Variants in PCDHGB4 observed in about 807,000 individuals in gnomAD.
The protein encoded by PCDHGB4 is protocadherin gamma-B4.
PCDHGB4 carries 38 observed loss-of-function variants against 60.5 expected under a neutral mutation model. The observed-to-expected ratio is 0.63, with a 90% CI of 0.48 to 0.82. PCDHGB4 has a LOEUF of 0.82. Ranked by LOEUF, PCDHGB4 falls within the 40% of genes least tolerant of loss-of-function variation. The pLI is 0.00. For missense variants in PCDHGB4, 1,109 were observed against 1,209.6 expected, an observed-to-expected ratio of 0.92 and a Z score of 1.23; for synonymous variants, 456 against 509.7, an observed-to-expected ratio of 0.89 and a Z score of 1.42.
intron 1 of PCDHGB4, chr5:141,400,747 G>T (rs2094069778): frequency 5.0e-6 from 3 of 602,662 alleles, no homozygotes; most frequent in African/African-American, 1.9e-5. Context: ...TTTGCTCTTA[G>T]CTTCCTCTCT....
intron 1 of PCDHGB4, chr5:141,427,787 C>A (rs2097070880): frequency 6.8e-7 from 1 of 1,478,064 alleles, no homozygotes; most frequent in Non-Finnish European, 9.4e-7. Context: ...CACTGTCGTC[C>A]TACGTGTCCG....
At chr5:141,394,282 C>G (rs375429182) in intron 1 of PCDHGB4, 11 of 1,613,864 alleles carry the variant, frequency 6.8e-6, no homozygotes, top group Non-Finnish European at 8.5e-6. Flanking sequence ...GTCACTTACT[C>G]TGTGACCGAG....
intron 1 of PCDHGB4, chr5:141,423,111 T>C (rs1394665462): frequency 3.1e-6 from 5 of 1,613,718 alleles, no homozygotes; most frequent in South Asian, 1.1e-5. Flanking sequence ...GCGAGGTGCG[T>C]ACAGCGCGGG....
intron 1 of PCDHGB4, among the ~76,000 whole-genome samples, chr5:141,449,560 GC>G (rs1487612909): frequency 6.9e-6 from 1 of 145,056 alleles, no homozygotes; most frequent in Non-Finnish European, 1.5e-5. Flanking sequence ...CTGCACTCCA[GC>G]CTGGGCGACA....
intron 1 of PCDHGB4, chr5:141,403,476 A>T: frequency 6.2e-7 from 1 of 1,613,972 alleles, no homozygotes; most frequent in Non-Finnish European, 8.5e-7. Flanking sequence ...CTCAGCCCCA[A>T]TCACCACTTC....
chr5:141,405,744 C>T (rs2094711384), intron 1 of PCDHGB4, among the ~76,000 whole-genome samples: 1 of 152,192 alleles, frequency 6.6e-6, no homozygotes, highest in African/African-American at 2.4e-5. Flanking sequence ...TCCCAAAGCA[C>T]TGGGATTACA....
chr5:141,408,770 A>G, intron 1 of PCDHGB4: 1 of 1,611,540 alleles, frequency 6.2e-7, no homozygotes. Flanking sequence ...CGATGGTGGC[A>G]AATACCCAGA....
At position 141,431,260 on chromosome 5, in the gene PCDHGB4, G is replaced by A. The variant is rs762250032; in HGVS notation, c.2397+40979G>A. The A allele has an allele frequency of 6.2e-7, 1 of 1,614,170 alleles. No individual in the cohort carries two copies. The highest frequency in any genetic ancestry group is 2.2e-5 in the East Asian group (1 of 44,892). On this transcript the variant is annotated intron_variant, in intron 1 of 3. Coordinates refer to ENST00000519479, the MANE Select transcript of PCDHGB4 (RefSeq NM_003736.4). The surrounding 1 kb of genome is among the most constrained non-coding windows in gnomAD (Gnocchi z 4.8). The stretch of plus-strand genomic sequence containing the variant: ...ATCCGGATATCGGGAAGAACTCTCT[G>A]CAGAGCTACGAGCTCAGCCCGAACA...
intron 1 of PCDHGB4, chr5:141,428,732 T>C (rs976924838): frequency 1.3e-5 from 2 of 159,284 alleles, no homozygotes; most frequent in African/African-American, 4.8e-5. Context: ...CTTAAACATA[T>C]TATATCTACT....
chr5:141,405,319 GC>G, intron 1 of PCDHGB4: 1 of 1,614,176 alleles, frequency 6.2e-7, no homozygotes, highest in Non-Finnish European at 8.5e-7. Context: ...AGAAAAATGA[GC>G]CTTTGTGCGT....
intron 1 of PCDHGB4, among the ~76,000 whole-genome samples, chr5:141,457,029 C>G (rs2098904194): frequency 6.6e-6 from 1 of 152,170 alleles, no homozygotes; most frequent in Non-Finnish European, 1.5e-5. Flanking sequence ...TCCTAGTAGA[C>G]TCAGTGATAG....
chr5:141,432,692 G>A lies in PCDHGB4; in HGVS notation c.2397+42411G>A. The A allele has an allele frequency of 6.2e-7, 1 of 1,613,964 alleles. No homozygotes were observed. Among genetic ancestry groups the A allele is most frequent in the Non-Finnish European group, 8.5e-7 (1 of 1,179,978 alleles). On this transcript the variant is annotated intron_variant, in intron 1 of 3. Transcript: ENST00000519479. The surrounding 1 kb of genome is among the most constrained non-coding windows in gnomAD (Gnocchi z 6.0). ...CGCGCTCAAGCAGAGCCTCGTAGTG[G>A]CCGTCCAGGACCACGGCCAGCCCCC...
rs2099706000 is a variant in PCDHGB4 at position 141,490,911 on chromosome 5, G to A, written c.2398-3896G>A. 1 of 1,613,722 alleles carries A rather than the reference G, an allele frequency of 6.2e-7. No individual in the cohort carries two copies. Among genetic ancestry groups the A allele is most frequent in the Non-Finnish European group, 8.5e-7 (1 of 1,179,746 alleles). Reference sequence around the variant, plus strand: ...CTCTGCATGTGTTTGTCCTAGACGAGAATGATAATGCCCCAGCTGTGCTGC... The same window carrying A: ...CTCTGCATGTGTTTGTCCTAGACGAAAATGATAATGCCCCAGCTGTGCTGC... On this transcript the variant is annotated intron_variant, in intron 1 of 3. Coordinates refer to ENST00000519479, the MANE Select transcript of PCDHGB4 (RefSeq NM_003736.4). This position sits in a 1 kb window ranked among gnomAD's most constrained non-coding sequence, Gnocchi z 5.4.
chr5:141,478,956 T>C (rs2099484450), intron 1 of PCDHGB4, among the ~76,000 whole-genome samples: 1 of 152,200 alleles, frequency 6.6e-6, no homozygotes. Context: ...AACTACCTCA[T>C]TCCTCCACCT....
At chr5:141,422,645 TCTCAGTGAC>T in intron 1 of PCDHGB4, 2 of 1,612,232 alleles carry the variant, frequency 1.2e-6, no homozygotes, top group Non-Finnish European at 1.7e-6. Flanking sequence ...GCCTCCATCT[TCTCAGTGAC>T]CGCCCTCGAC....
intron 1 of PCDHGB4, chr5:141,423,397 C>A: frequency 1.9e-6 from 3 of 1,614,146 alleles, no homozygotes; most frequent in Non-Finnish European, 2.5e-6. Context: ...GCATAAGTCA[C>A]GCCTGCTGCA....
chr5:141,450,931 T>G (rs571428678), intron 1 of PCDHGB4, among the ~76,000 whole-genome samples: 2 of 151,650 alleles, frequency 1.3e-5, no homozygotes, highest in African/African-American at 4.8e-5. Flanking sequence ...TTCAAGCAAT[T>G]CTCCTACCTC....
chr5:141,501,945 T>G (rs1318749969), intron 2 of PCDHGB4, among the ~76,000 whole-genome samples: 5 of 152,106 alleles, frequency 3.3e-5, no homozygotes, highest in African/African-American at 1.2e-4. Context: ...CACTGCTCCC[T>G]GTGACAGGTC....
chr5:141,421,019 C>T, intron 1 of PCDHGB4: 1 of 516,402 alleles, frequency 1.9e-6, no homozygotes, highest in Non-Finnish European at 3.4e-6. Flanking sequence ...TGGGAAGCTG[C>T]GCGCCATTGA....
Sources: allele counts gnomAD v4.1 joint callset (sites outside exome capture counted in the v4.1 genomes callset), GRCh38; gene constraint gnomAD v4.1.1; non-coding constraint Gnocchi (gnomAD v3.1); transcripts MANE v1.5; gene names NCBI Gene and HGNC (gene_info 2026-07-23, HGNC 2026-07-21).